The following ENDOG variants were observed in gnomAD, a reference collection of about 807,000 sequenced individuals.
ENDOG encodes the protein endonuclease G.
Under a neutral mutation model 22.6 loss-of-function variants are expected in ENDOG, and 22 were observed. The observed-to-expected ratio is 0.97, with a 90% CI of 0.70 to 1.39. ENDOG has a LOEUF of 1.39. Among genes scored for constraint, ENDOG ranks in the 40% most tolerant of loss-of-function variants. The pLI is 0.00. For synonymous variants in ENDOG, 173 were observed against 200.2 expected, an observed-to-expected ratio of 0.86 and a Z score of 1.15; for missense variants, 403 against 431.3, an observed-to-expected ratio of 0.93 and a Z score of 0.58.
Position 128,822,542 on chromosome 9 carries a change from C to A in ENDOG, c.826C>A (p.Leu276Met), listed in dbSNP as rs1830142918. 1 of 1,560,336 alleles carries A rather than the reference C, an allele frequency of 6.4e-7. No individual in the cohort carries two copies. Among genetic ancestry groups the A allele is most frequent in the Non-Finnish European group, 8.7e-7 (1 of 1,151,760 alleles). Residue 276 changes from leucine (L) to methionine (M), a missense_variant, in exon 3 of 3, where the codon CTG becomes ATG. Leu to Met is a conservative substitution (Grantham distance 15, BLOSUM62 2). Coordinates refer to ENST00000372642, the MANE Select transcript of ENDOG (RefSeq NM_004435.2). ...PIESIERASG[L>M]LFVPNILARA... Reference sequence around the variant, plus strand: ...CGAGAGCATTGAGCGGGCTTCGGGGCTGCTCTTTGTGCCAAACATCCTGGC... The same window carrying A: ...CGAGAGCATTGAGCGGGCTTCGGGGATGCTCTTTGTGCCAAACATCCTGGC...
chr9:128,821,109 G>A, intron 2 of ENDOG: 1 of 526,930 alleles, frequency 1.9e-6, no homozygotes, highest in South Asian at 2.2e-5. Flanking sequence ...TCTCCCTGCT[G>A]TCACCTCTTG....
chr9:128,822,205 C>T, intron 2 of ENDOG, 123 bp from the exon 3 acceptor site: 1 of 1,197,496 alleles, frequency 8.4e-7, no homozygotes, highest in Non-Finnish European at 1.2e-6. Flanking sequence ...AGAAGTCTCA[C>T]AGTGAGGGCG....
Position 128,818,528 on chromosome 9 carries a change from C to T in ENDOG, c.-157C>T, listed in dbSNP as rs1042994073. On this transcript the variant is annotated 5_prime_UTR_variant, in exon 1 of 3. Transcript: ENST00000372642. ...CCCGGTTGGGCTCTGCTGCTCCCTT[C>T]TGGGTTCCGAGGCCCAAGCCCTTGG... The T allele has an allele frequency of 1.2e-6, 1 of 866,284 alleles. No individual in the cohort carries two copies. The highest frequency in any genetic ancestry group is 1.4e-6 in the Non-Finnish European group (1 of 702,410). The allele number at this position is 866,284 out of a possible 1,614,324, so 53.7% of individuals were successfully genotyped here.
chr9:128,822,543 T>C lies in ENDOG; in HGVS notation c.827T>C (p.Leu276Pro). ...GAGAGCATTGAGCGGGCTTCGGGGC[T>C]GCTCTTTGTGCCAAACATCCTGGCG... ...PIESIERASG[L>P]LFVPNILARA... is the part of the protein sequence containing the mutation. Residue 276 changes from leucine to proline, a missense_variant, in exon 3 of 3, where the codon CTG becomes CCG. Physicochemically the swap from Leu to Pro is moderately conservative, Grantham distance 98. Coordinates refer to ENST00000372642, the MANE Select transcript of ENDOG (RefSeq NM_004435.2). 1 of 1,560,422 alleles carries C rather than the reference T, an allele frequency of 6.4e-7. No homozygotes were observed. Among genetic ancestry groups the C allele is most frequent in the Non-Finnish European group, 8.7e-7 (1 of 1,151,806 alleles).
At position 128,818,612 on chromosome 9, in the gene ENDOG, C is replaced by G; in HGVS notation, c.-73C>G. On this transcript the variant is annotated 5_prime_UTR_variant, in exon 1 of 3. Transcript: ENST00000372642. The stretch of plus-strand genomic sequence containing the variant: ...CGTCCGCGGCCCCAGCAGCCCTGTG[C>G]CCTCGTTGGATCCCGCGACGCGGCT... The G allele has an allele frequency of 9.2e-7, 1 of 1,082,188 alleles. No individual in the cohort carries two copies. The highest frequency in any genetic ancestry group is 1.1e-6 in the Non-Finnish European group (1 of 892,510). 67.0% of individuals were successfully genotyped at this position (1,082,188 alleles called of 1,614,324 possible).
Position 128,822,618 on chromosome 9 carries a change from G to C in ENDOG, c.*8G>C. ...ACGGCGGGCAGTAAGTGAGGGTGGA[G>C]CCCAGTGAGACTGTGGGTGTGTGCA... On this transcript the variant is annotated 3_prime_UTR_variant, in exon 3 of 3. Coordinates refer to ENST00000372642, the MANE Select transcript of ENDOG (RefSeq NM_004435.2). 1 of 1,565,540 alleles carries C rather than the reference G, an allele frequency of 6.4e-7. No homozygotes were observed. The highest frequency in any genetic ancestry group is 1.3e-5 in the African/African-American group (1 of 74,270).
rs1259570480 is a variant in ENDOG, at chr9:128,819,107, C to T, written c.423C>T (p.His141=). The T allele has an allele frequency of 3.3e-6, 5 of 1,519,872 alleles. No individual in the cohort carries two copies. In the African/African-American group the frequency reaches 5.8e-5, roughly 18 times the overall value. The allele number at this position is 1,519,872 out of a possible 1,614,324, so 94.1% of individuals were successfully genotyped here. A position where few individuals can be genotyped will look rare whatever the true frequency, so the allele number is the denominator to read the frequency against. Residue 141 remains histidine, a synonymous_variant, in exon 1 of 3, where the codon CAC becomes CAT. Transcript: ENST00000372642. The part of the protein sequence containing the change: ...DYRGSGFDRG[H]LAAAANHRWS... ...GCGGCAGTGGCTTCGACCGCGGTCA[C>T]CTGGCCGCCGCCGCCAACCACCGCT...
At chr9:128,821,444 G>A (rs1018392812) in intron 2 of ENDOG, 5 of 157,344 alleles carry the variant, frequency 3.2e-5, no homozygotes, top group South Asian at 1.7e-4. Context: ...GCAGGTCCGC[G>A]GTGCACCAGG....
At chr9:128,820,510 G>A (rs993149142) in intron 1 of ENDOG, 12 of 544,020 alleles carry the variant, frequency 2.2e-5, no homozygotes, top group Non-Finnish European at 3.6e-5. Context: ...CTTGGGAGCT[G>A]AGAAAAGACT....
In ENDOG at chr9:128,820,866, G is replaced by C. The variant is rs755527226; in HGVS notation, c.611+18G>C. 4 of 1,590,554 alleles carry C rather than the reference G, an allele frequency of 2.5e-6. No homozygotes were observed. The African/African-American group carries it at 5.4e-5, about 21-fold the overall frequency. On this transcript the variant is annotated intron_variant, in intron 2 of 2. Coordinates refer to ENST00000372642, the MANE Select transcript of ENDOG (RefSeq NM_004435.2). ...CTGCCCAGGTAAGGTGGAAACCAGG[G>C]GGGCGGCAGAACCTCCCACTCACCT...
At chr9:128,822,239 T>TA (rs1830133877) in intron 2 of ENDOG, 89 bp from the exon 3 acceptor site, 5 of 1,497,804 alleles carry the variant, frequency 3.3e-6, no homozygotes, top group East Asian at 2.3e-5. Flanking sequence ...TGACAGAAGT[T>TA]AGAGGACAGA....
intron 2 of ENDOG, 143 bp from the exon 3 acceptor site, chr9:128,822,185 G>C: frequency 1.0e-6 from 1 of 959,892 alleles, no homozygotes. Flanking sequence ...GGAGGAGCCA[G>C]GCAGGCTACA....
Position 128,822,446 on chromosome 9 carries a change from C to G in ENDOG, c.730C>G (p.Leu244Val). ...GGAGGCAGCAGGTGGGCAAATTGAG[C>G]TCCGCACCTACGTGATGCCCAACGC... ...ILEAAGGQIE[L>V]RTYVMPNAPV... The change falls in exon 3 of 3, where the codon CTC becomes GTC. Residue 244 changes from leucine to valine, a missense_variant. Coordinates refer to ENST00000372642, the MANE Select transcript of ENDOG (RefSeq NM_004435.2). The G allele has an allele frequency of 1.9e-6, 3 of 1,591,370 alleles. No individual in the cohort carries two copies. Among genetic ancestry groups the G allele is most frequent in the South Asian group, 2.3e-5 (2 of 88,004 alleles).
At chr9:128,821,172 G>A (rs976847251) in intron 2 of ENDOG, 3 of 366,948 alleles carry the variant, frequency 8.2e-6, no homozygotes, top group Non-Finnish European at 1.5e-5. Flanking sequence ...CAGGTCTGCA[G>A]TGCACCAAGC....
chr9:128,819,665 A>C (rs1554797677), intron 1 of ENDOG: 1 of 158,994 alleles, frequency 6.3e-6, no homozygotes, highest in Non-Finnish European at 1.4e-5. Context: ...ATTTATGTAC[A>C]TTTTATTTCT....
Sources: allele counts gnomAD v4.1 joint callset, GRCh38; gene constraint gnomAD v4.1.1; transcripts MANE v1.5; gene names NCBI Gene and HGNC (gene_info 2026-07-23, HGNC 2026-07-21).